SLIT2: variants seen among roughly 807,000 people sequenced by gnomAD.
SLIT2 encodes the protein slit guidance ligand 2.
SLIT2 carries 41 observed loss-of-function variants against 185.7 expected under a neutral mutation model. The observed-to-expected ratio is 0.22, with a 90% CI of 0.17 to 0.29. The LOEUF (loss-of-function observed/expected upper bound fraction) is 0.29. Ranked by LOEUF, SLIT2 falls within the 10% of genes least tolerant of loss-of-function variation. The pLI is 1.00. For missense variants in SLIT2, 1,571 were observed against 1,909.0 expected, an observed-to-expected ratio of 0.82 and a Z score of 3.30; for synonymous variants, 693 against 680.2, an observed-to-expected ratio of 1.02 and a Z score of -0.29.
intron 14 of SLIT2, 26 bp from the exon 15 acceptor site, chr4:20,525,123 T>G (rs750672178): frequency 6.3e-7 from 1 of 1,588,028 alleles, no homozygotes; most frequent in Non-Finnish European, 8.6e-7. Flanking sequence ...GTGCATCTTC[T>G]ATTTTTTGTC....
chr4:20,547,594 T>C (rs1723361196), intron 22 of SLIT2, among the ~76,000 whole-genome samples: 1 of 151,878 alleles, frequency 6.6e-6, no homozygotes, highest in Non-Finnish European at 1.5e-5. Context: ...TTATCCTCGG[T>C]TTTTCTGAAT....
At chr4:20,324,569 G>A (rs931531019) in intron 4 of SLIT2, among the ~76,000 whole-genome samples, 1 of 152,156 alleles carries the variant, frequency 6.6e-6, no homozygotes, top group Non-Finnish European at 1.5e-5. Context: ...CTGTTGTACA[G>A]CGTGATGACT....
At chr4:20,490,385 G>A (rs1419181893) in intron 8 of SLIT2, among the ~76,000 whole-genome samples, 1 of 144,686 alleles carries the variant, frequency 6.9e-6, no homozygotes, top group African/African-American at 2.7e-5. Flanking sequence ...ACACACACGT[G>A]CATGCACACA....
At position 20,337,392 on chromosome 4, in the gene SLIT2, C is replaced by T. The variant is rs867516704; in HGVS notation, c.395+68511C>T. ...GAACAGCACAGGAAGGACCTGCCCCCGTGATTCAATTACCTCCCACTGGGT... is the reference window on the plus strand; with the variant it reads ...GAACAGCACAGGAAGGACCTGCCCCTGTGATTCAATTACCTCCCACTGGGT... On this transcript the variant is annotated intron_variant, in intron 4 of 36. Transcript: ENST00000504154. Among the ~76,000 whole-genome samples the T allele has an allele frequency of 1.1e-4, 16 of 152,132 alleles. No homozygotes were observed. In the South Asian group the frequency reaches 2.1e-3, roughly 20 times the overall value.
chr4:20,514,538 G>A (rs542545878), intron 11 of SLIT2, among the ~76,000 whole-genome samples: 32 of 151,990 alleles, frequency 2.1e-4, no homozygotes, highest in Non-Finnish European at 2.6e-4. Context: ...CCAGCTACTC[G>A]GAGAGTTGAG....
intron 4 of SLIT2, among the ~76,000 whole-genome samples, chr4:20,456,964 T>A (rs574527509): frequency 2.6e-5 from 4 of 152,154 alleles, no homozygotes; most frequent in African/African-American, 9.6e-5. Context: ...TGAAAAAAAA[T>A]ATCTCTACCC....
chr4:20,271,968 A>G (rs1330682937), intron 4 of SLIT2, among the ~76,000 whole-genome samples: 1 of 152,122 alleles, frequency 6.6e-6, no homozygotes, highest in Non-Finnish European at 1.5e-5. Flanking sequence ...GGTTGCTGCT[A>G]GCGGCCAAAT....
At chr4:20,437,159 C>T (rs1729396892) in intron 4 of SLIT2, among the ~76,000 whole-genome samples, 1 of 152,132 alleles carries the variant, frequency 6.6e-6, no homozygotes, top group Non-Finnish European at 1.5e-5. Flanking sequence ...AAAATCCAGA[C>T]TCATATACCA....
intron 32 of SLIT2, among the ~76,000 whole-genome samples, chr4:20,597,921 T>C (rs1728110954): frequency 1.3e-5 from 2 of 152,238 alleles, no homozygotes; most frequent in South Asian, 4.1e-4. Context: ...AATCCATCTT[T>C]GACAATGTAG....
At chr4:20,322,494 T>C (rs1188935541) in intron 4 of SLIT2, among the ~76,000 whole-genome samples, 1 of 152,210 alleles carries the variant, frequency 6.6e-6, no homozygotes, top group Non-Finnish European at 1.5e-5. Flanking sequence ...TTTAGCCCTT[T>C]GTGAATGCAG....
chr4:20,610,003 T>C lies in SLIT2; in HGVS notation c.3693-10T>C, dbSNP rs973572465. 1.9e-6 allele frequency: 3 copies of C among 1,581,592 alleles called. No individual in the cohort carries two copies. The highest frequency in any genetic ancestry group is 2.3e-5 in the East Asian group (1 of 43,926). On this transcript the variant is annotated splice_polypyrimidine_tract_variant and intron_variant, in intron 33 of 36. Transcript: ENST00000504154. Reference sequence around the variant, plus strand: ...AATGGAAGAATCAGCCATTTTTTTTTCCGTTGTAGTGTGGAGACAATCAAT... The same window carrying C: ...AATGGAAGAATCAGCCATTTTTTTTCCCGTTGTAGTGTGGAGACAATCAAT...
At chr4:20,429,883 G>T (rs766335465) in intron 4 of SLIT2, among the ~76,000 whole-genome samples, 7 of 152,214 alleles carry the variant, frequency 4.6e-5, no homozygotes, top group Non-Finnish European at 1.0e-4. Context: ...TTTAGGCCAT[G>T]CTTGGATTTC....
intron 11 of SLIT2, among the ~76,000 whole-genome samples, chr4:20,518,117 A>G (rs547078726): frequency 1.4e-5 from 2 of 142,962 alleles, no homozygotes; most frequent in Non-Finnish European, 3.0e-5. Context: ...ATATACATAT[A>G]CATATATATA....
intron 31 of SLIT2, 54 bp downstream of exon 31, chr4:20,595,888 G>T (rs2148958207): frequency 6.9e-7 from 1 of 1,457,176 alleles, no homozygotes; most frequent in African/African-American, 1.4e-5. Context: ...GCACAACAGG[G>T]TGACTATAGT....
intron 4 of SLIT2, among the ~76,000 whole-genome samples, chr4:20,415,531 T>A (rs1727591523): frequency 6.6e-6 from 1 of 152,096 alleles, no homozygotes; most frequent in African/African-American, 2.4e-5. Context: ...AGATATAATT[T>A]TGATCACTTA....
At chr4:20,468,927 G>T (rs557523989) in intron 5 of SLIT2, among the ~76,000 whole-genome samples, 1 of 151,522 alleles carries the variant, frequency 6.6e-6, no homozygotes, top group Admixed American at 6.6e-5. Context: ...TAAAGCCACA[G>T]ATTTTGGCCT....
chr4:20,541,407 A>T (rs1396565131), intron 19 of SLIT2, 46 bp from the exon 20 acceptor site: 2 of 1,574,674 alleles, frequency 1.3e-6, no homozygotes, highest in Non-Finnish European at 1.7e-6. Context: ...AAGGAAGAAG[A>T]TGAAACCCCA....
At chr4:20,548,349 C>G in intron 22 of SLIT2, 139 bp from the exon 23 acceptor site, 6 of 588,150 alleles carry the variant, frequency 1.0e-5, no homozygotes, top group East Asian at 2.8e-5. Flanking sequence ...GTGGGTCGTT[C>G]ACTGTTTTAT....
At chr4:20,584,909 G>A (rs912974487) in intron 29 of SLIT2, among the ~76,000 whole-genome samples, 9 of 152,046 alleles carry the variant, frequency 5.9e-5, no homozygotes, top group Non-Finnish European at 1.2e-4. Context: ...ACAAAAATTA[G>A]CTGGGCATGG....
Sources: allele counts gnomAD v4.1 joint callset (sites outside exome capture counted in the v4.1 genomes callset), GRCh38; gene constraint gnomAD v4.1.1; transcripts MANE v1.5; gene names NCBI Gene and HGNC (gene_info 2026-07-23, HGNC 2026-07-21).